LPIN1: variants seen among roughly 807,000 people sequenced by gnomAD.
The protein encoded by LPIN1 is phosphatidate phosphatase LPIN1.
Under a neutral mutation model 107.5 loss-of-function variants are expected in LPIN1, and 71 were observed. The observed-to-expected ratio is 0.66, with a 90% confidence interval of 0.55 to 0.80. LPIN1 has a LOEUF of 0.80. Among genes scored for constraint, LPIN1 ranks in the 30% least tolerant of loss-of-function variants. The pLI is 0.00. For synonymous variants in LPIN1, 445 were observed against 452.6 expected (o/e 0.98, Z 0.21); for missense variants, 1,043 against 1,160.6 (o/e 0.90, Z 1.47).
At chr2:11,750,904 G>T (rs887179455) in intron 1 of LPIN1, among the ~76,000 whole-genome samples, 1 of 152,196 alleles carries the variant, frequency 6.6e-6, no homozygotes, top group Admixed American at 6.5e-5. Context: ...TAAGGGCAGA[G>T]CATTCTTTTT....
intron 17 of LPIN1, among the ~76,000 whole-genome samples, chr2:11,808,038 C>T (rs748263082): frequency 1.3e-5 from 2 of 152,220 alleles, no homozygotes; most frequent in Non-Finnish European, 2.9e-5. Flanking sequence ...CTCAGCTTGA[C>T]ATGGCTTCCC....
chr2:11,747,618 G>A (rs1439690638), intron 1 of LPIN1, among the ~76,000 whole-genome samples: 3 of 152,156 alleles, frequency 2.0e-5, no homozygotes, highest in Admixed American at 1.3e-4. Flanking sequence ...GTGGTCTAGG[G>A]GTAGTGATTG....
intron 17 of LPIN1, among the ~76,000 whole-genome samples, chr2:11,812,264 G>C (rs1004519261): frequency 7.9e-5 from 12 of 152,348 alleles, no homozygotes; most frequent in African/African-American, 2.9e-4. Flanking sequence ...TTTTTGGCAC[G>C]GGGGTTGTAG....
chr2:11,800,979 T>A (rs1378066720), intron 14 of LPIN1, among the ~76,000 whole-genome samples: 2 of 152,202 alleles, frequency 1.3e-5, no homozygotes, highest in Non-Finnish European at 2.9e-5. Context: ...TGCTGGGCAG[T>A]AGCTGTTGAG....
intron 1 of LPIN1, among the ~76,000 whole-genome samples, chr2:11,691,850 C>A (rs1201166899): frequency 1.3e-5 from 2 of 152,254 alleles, no homozygotes; most frequent in Non-Finnish European, 2.9e-5. Context: ...AAATGCTGTG[C>A]TTGATACACT....
In LPIN1 at chr2:11,735,228, G is replaced by T. The variant is rs957150304; in HGVS notation, c.-71-6121G>T. ...AATTGCTTGAGCCTGGGAGGCAGAGGTTGCAGTGAGTCGAGATTGTGCCAC... is the reference window on the plus strand; with the variant it reads ...AATTGCTTGAGCCTGGGAGGCAGAGTTTGCAGTGAGTCGAGATTGTGCCAC... On this transcript the variant is annotated intron_variant, in intron 1 of 21. Coordinates refer to the LPIN1 transcript ENST00000396097. Among the ~76,000 whole-genome samples, 115 of 151,252 alleles carry T rather than the reference G, an allele frequency of 7.6e-4. 1 individual carries two copies. The highest frequency in any genetic ancestry group is 2.7e-3 in the African/African-American group (112 of 40,976).
At chr2:11,790,448 AC>A (rs1675522950) in intron 12 of LPIN1, among the ~76,000 whole-genome samples, 1 of 152,238 alleles carries the variant, frequency 6.6e-6, no homozygotes, top group Non-Finnish European at 1.5e-5. Flanking sequence ...AGACTTGGTC[AC>A]ATGATCACCA....
intron 1 of LPIN1, among the ~76,000 whole-genome samples, chr2:11,695,443 G>A (rs1322109510): frequency 6.6e-6 from 1 of 152,158 alleles, no homozygotes; most frequent in Non-Finnish European, 1.5e-5. Context: ...GGAAAAGCCA[G>A]TGCAGAGGCC....
At chr2:11,819,057 C>T (rs1172429852) in intron 18 of LPIN1, 2 of 185,462 alleles carry the variant, frequency 1.1e-5, no homozygotes, top group East Asian at 1.5e-4. Context: ...CACACACACA[C>T]ACACACACAC....
At chr2:11,703,295 A>G (rs1662974357) in intron 1 of LPIN1, among the ~76,000 whole-genome samples, 1 of 152,150 alleles carries the variant, frequency 6.6e-6, no homozygotes, top group South Asian at 2.1e-4. Context: ...GGATTGGAGT[A>G]GGGATAGCGT....
At chr2:11,789,894 C>A (rs536932527) in intron 12 of LPIN1, among the ~76,000 whole-genome samples, 1 of 151,960 alleles carries the variant, frequency 6.6e-6, no homozygotes. Flanking sequence ...TTCTACAAGT[C>A]AGTAACTTTT....
rs546138295 is a variant in LPIN1, at chr2:11,804,491, G to T, written c.2082G>T (p.Thr694=). Residue 694 remains threonine (T), a synonymous_variant, in exon 16 of 21, where the codon ACG becomes ACT. Coordinates refer to ENST00000674199, the MANE Select transcript of LPIN1 (RefSeq NM_001349206.2). ...VFSVTTQYQG[T]CRCEGTIYLW... ...GTGTCACCACGCAGTACCAAGGCAC[G>T]TGCCGCTGTGAGGGCACCATCTATC... The T allele has an allele frequency of 1.9e-6, 3 of 1,614,136 alleles. No homozygotes were observed. The South Asian group carries it at 3.3e-5, about 18-fold the overall frequency.
rs1022132898 is a variant in LPIN1 at position 11,747,078 on chromosome 2, G to A, written c.-10+407G>A. Among the ~76,000 whole-genome samples, 9 of 152,362 alleles carry A rather than the reference G, an allele frequency of 5.9e-5. 1 individual carries two copies. The highest frequency in any genetic ancestry group is 2.0e-4 in the Admixed American group (3 of 15,308). On this transcript the variant is annotated intron_variant, in intron 1 of 20. Transcript: ENST00000674199. ...TCTGCGCGATCATCCCCAGCTTTGC[G>A]CCGGGGACTGGGATGAGAGCCTTTC...
At chr2:11,777,921 T>C (rs1672930692) in intron 6 of LPIN1, among the ~76,000 whole-genome samples, 2 of 152,222 alleles carry the variant, frequency 1.3e-5, no homozygotes, top group Admixed American at 6.5e-5. Flanking sequence ...ACTTATTCCA[T>C]GATGATGCTG....
chr2:11,770,813 T>C (rs1332932597), intron 3 of LPIN1, among the ~76,000 whole-genome samples: 4 of 152,234 alleles, frequency 2.6e-5, no homozygotes, highest in African/African-American at 9.6e-5. Flanking sequence ...ACTTCCTCGA[T>C]GTTCAGGGCC....
chr2:11,814,512 ATGTGTGTGTGTG>A (rs71394769), intron 17 of LPIN1, among the ~76,000 whole-genome samples: 4 of 138,436 alleles, frequency 2.9e-5, no homozygotes, highest in Non-Finnish European at 6.3e-5. Context: ...GTGTGTGTGC[ATGTGTGTGTGTG>A]TGTGTGTGTG....
At chr2:11,802,263 C>G (rs1298587535) in intron 14 of LPIN1, among the ~76,000 whole-genome samples, 2 of 152,132 alleles carry the variant, frequency 1.3e-5, no homozygotes, top group Admixed American at 6.5e-5. Flanking sequence ...GAGCCTAATT[C>G]CCACCCTGCA....
At chr2:11,759,132 CTTTTCTTTCTTTCTTTCTTTCTT>C (rs1558819772) in intron 1 of LPIN1, among the ~76,000 whole-genome samples, 3 of 121,332 alleles carry the variant, frequency 2.5e-5, no homozygotes, top group Non-Finnish European at 5.5e-5. Context: ...TGCTTTCTTT[CTTTTCTTTCTTTCTTTCTTTCTT>C]TCTTTCTTTC....
Position 11,804,536 on chromosome 2 carries a change from A to G in LPIN1, c.2127A>G (p.Lys709=), listed in dbSNP as rs765275726. The change falls in exon 16 of 21, where the codon AAA becomes AAG. Residue 709 remains lysine (K), a synonymous_variant. Coordinates refer to ENST00000674199, the MANE Select transcript of LPIN1 (RefSeq NM_001349206.2). ...GTIYLWNWDD[K]VIISDIDGTI... is the part of the protein sequence containing the mutation. ...TCTATCTGTGGAACTGGGATGATAA[A>G]GTCATCATTTCTGATATTGATGGGA... 1 of 1,614,218 alleles carries G rather than the reference A, an allele frequency of 6.2e-7. No homozygotes were observed. Among genetic ancestry groups the G allele is most frequent in the South Asian group, 1.1e-5 (1 of 91,088 alleles).
Sources: allele counts gnomAD v4.1 joint callset (sites outside exome capture counted in the v4.1 genomes callset), GRCh38; gene constraint gnomAD v4.1.1; transcripts MANE v1.5; gene names NCBI Gene and HGNC (gene_info 2026-07-23, HGNC 2026-07-21).